The following NUP214 variants were observed in gnomAD, a reference collection of about 807,000 sequenced individuals.
NUP214 encodes the protein nuclear pore complex protein Nup214.
In NUP214, 79 loss-of-function variants were observed where a neutral mutation model predicts 196.2. That is an observed-to-expected ratio of 0.40 (90% CI 0.34 to 0.49). NUP214 has a LOEUF of 0.49. Among genes scored for constraint, NUP214 ranks in the 20% least tolerant of loss-of-function variants. NUP214 has a pLI of 0.58. For synonymous variants in NUP214, 1,020 were observed against 990.5 expected, an observed-to-expected ratio of 1.03 and a Z score of -0.56; for missense variants, 2,468 against 2,539.0, an observed-to-expected ratio of 0.97 and a Z score of 0.60.
intron 3 of NUP214, 137 bp from the exon 4 acceptor site, chr9:131,129,142 A>C (rs1188637861): frequency 1.3e-6 from 1 of 752,056 alleles, no homozygotes; most frequent in African/African-American, 1.8e-5. Flanking sequence ...TGCATAAAAC[A>C]ATCTTTTTTT....
Position 131,147,426 on chromosome 9 carries a change from T to C in NUP214, c.1946-64T>C. On this transcript the variant is annotated intron_variant, in intron 13 of 35. Coordinates refer to ENST00000359428, the MANE Select transcript of NUP214 (RefSeq NM_005085.4). ...ATTTCTTAGATTTGGAGAAAGGACA[T>C]TTGTGATAGGAGAAATAAAGGTAAT... The C allele has an allele frequency of 2.5e-6, 3 of 1,201,070 alleles. No homozygotes were observed. The South Asian group carries it at 3.9e-5, about 16-fold the overall frequency. The allele number at this position is 1,201,070 out of a possible 1,614,324, so 74.4% of individuals were successfully genotyped here. A position where few individuals can be genotyped will look rare whatever the true frequency, so the allele number is the denominator to read the frequency against.
chr9:131,194,009 A>C (rs1388536456), intron 27 of NUP214: 1 of 150,762 alleles, frequency 6.6e-6, no homozygotes, highest in Non-Finnish European at 1.5e-5. Flanking sequence ...ATGGCTTGAC[A>C]CTATTAGATA....
chr9:131,226,208 A>G (rs1049125143), intron 32 of NUP214, among the ~76,000 whole-genome samples: 3 of 152,212 alleles, frequency 2.0e-5, no homozygotes, highest in Non-Finnish European at 4.4e-5. Flanking sequence ...AGCACCTGGC[A>G]TATAGTGGGC....
At chr9:131,180,760 A>G (rs1426959574) in intron 24 of NUP214, among the ~76,000 whole-genome samples, 4 of 152,310 alleles carry the variant, frequency 2.6e-5, no homozygotes, top group Middle Eastern at 3.4e-3. Context: ...AGGGTAGTTG[A>G]ATAAGACAAA....
In NUP214 at chr9:131,175,434, A is replaced by T. The variant is rs551401235; in HGVS notation, c.3158-26A>T. On this transcript the variant is annotated intron_variant, in intron 22 of 35. Coordinates refer to ENST00000359428, the MANE Select transcript of NUP214 (RefSeq NM_005085.4). Reference sequence around the variant, plus strand: ...TATTTTCCTGTTCTCTCACCCACTCACACTTAATTTTTCTTTTCCTCTTAG... The same window carrying T: ...TATTTTCCTGTTCTCTCACCCACTCTCACTTAATTTTTCTTTTCCTCTTAG... The T allele has an allele frequency of 5.0e-6, 8 of 1,613,362 alleles. No homozygotes were observed. The Admixed American group carries it at 1.0e-4, about 20-fold the overall frequency.
At chr9:131,183,331 TGCCTC>T (rs1833345969) in intron 24 of NUP214, among the ~76,000 whole-genome samples, 1 of 152,208 alleles carries the variant, frequency 6.6e-6, no homozygotes. Context: ...GTGATCCGCC[TGCCTC>T]GGCCTCCCAA....
At position 131,138,631 on chromosome 9, in the gene NUP214, G is replaced by T. The variant is rs776776564; in HGVS notation, c.1006-650G>T. ...TGATTTTAAAAACCAAGAGTCATTT[G>T]TTGGAAGGAACAGAGCCTATCCAAG... On this transcript the variant is annotated intron_variant, in intron 9 of 35. Transcript: ENST00000359428. 2.6e-5 allele frequency among the ~76,000 whole-genome samples: 4 copies of T among 152,216 alleles called. No individual in the cohort carries two copies. In the South Asian group the frequency reaches 8.3e-4, roughly 32 times the overall value.
intron 31 of NUP214, among the ~76,000 whole-genome samples, chr9:131,221,849 C>A (rs1296505769): frequency 2.0e-5 from 3 of 151,298 alleles, no homozygotes; most frequent in African/African-American, 7.3e-5. Flanking sequence ...AACGCCCACC[C>A]CCCCCAAAAA....
intron 10 of NUP214, 145 bp from the exon 11 acceptor site, chr9:131,140,404 C>G: frequency 1.6e-6 from 1 of 639,242 alleles, no homozygotes; most frequent in Non-Finnish European, 2.6e-6. Context: ...AAAGGCTGTT[C>G]AGATATAAAA....
At chr9:131,210,803 A>G (rs764099470) in intron 30 of NUP214, among the ~76,000 whole-genome samples, 1 of 152,190 alleles carries the variant, frequency 6.6e-6, no homozygotes, top group Non-Finnish European at 1.5e-5. Flanking sequence ...AAAAAAATGG[A>G]TAGAGCATTT....
chr9:131,134,126 C>T (rs1831643538), intron 7 of NUP214, among the ~76,000 whole-genome samples: 4 of 152,030 alleles, frequency 2.6e-5, no homozygotes, highest in African/African-American at 4.8e-5. Flanking sequence ...TTAAATTTTT[C>T]GCAGAGGTAG....
Position 131,197,468 on chromosome 9 carries a change from C to A in NUP214, c.3974C>A (p.Ser1325Tyr). The change falls in exon 29 of 36, where the codon TCT (serine) becomes TAT (tyrosine). Residue 1325 changes from serine to tyrosine, a missense_variant. This residue lies in a region of NUP214 where 1,801 missense variants were observed against 1,779.4 expected (regional missense o/e 1.01). Coordinates refer to ENST00000359428, the MANE Select transcript of NUP214 (RefSeq NM_005085.4). ...SKLGELLFPSSLAGETLGSFS... is the reference protein window; with the variant it reads ...SKLGELLFPSYLAGETLGSFS... ...CTGGGAGAGCTTCTGTTTCCAAGTT[C>A]TTTGGCTGGAGAGACTCTGGGAAGT... The A allele has an allele frequency of 6.2e-7, 1 of 1,614,188 alleles. No individual in the cohort carries two copies. Among genetic ancestry groups the A allele is most frequent in the Non-Finnish European group, 8.5e-7 (1 of 1,180,028 alleles).
chr9:131,153,552 C>T (rs769995532), intron 17 of NUP214, among the ~76,000 whole-genome samples: 1 of 152,136 alleles, frequency 6.6e-6, no homozygotes, highest in Non-Finnish European at 1.5e-5. Context: ...TTCCTATGTG[C>T]CTTTCCACCT....
chr9:131,132,689 C>G, intron 6 of NUP214, 30 bp downstream of exon 6: 1 of 1,571,000 alleles, frequency 6.4e-7, no homozygotes, highest in Non-Finnish European at 8.8e-7. Context: ...TTGGGCTGAC[C>G]TCTAATGACA....
At position 131,202,402 on chromosome 9, in the gene NUP214, CAT is replaced by C. The variant is rs1405635007; in HGVS notation, c.5592+694_5592+695del. 7.9e-5 allele frequency among the ~76,000 whole-genome samples: 12 copies of C among 151,680 alleles called. No individual in the cohort carries two copies. In the South Asian group the frequency reaches 1.0e-3, roughly 13 times the overall value. ...ATATGTGTGTACACACACACACACA[CAT>C]ATATATATTTTTGTTTGTTTGTTTG... is the stretch of plus-strand genomic sequence containing the variant. On this transcript the variant is annotated intron_variant, in intron 30 of 35. Coordinates refer to ENST00000359428, the MANE Select transcript of NUP214 (RefSeq NM_005085.4).
Position 131,222,869 on chromosome 9 carries a change from C to G in NUP214, c.5841C>G (p.Phe1947Leu). ...SFGEQKPTGT[F>L]SSGGGSVASQ... is the part of the protein sequence containing the mutation. ...GAGAGCAGAAACCCACTGGCACTTTCAGCTCTGGAGGAGGAAGTGTGGCAT... is the reference window on the plus strand; with the variant it reads ...GAGAGCAGAAACCCACTGGCACTTTGAGCTCTGGAGGAGGAAGTGTGGCAT... Residue 1947 changes from phenylalanine to leucine, a missense_variant, in exon 32 of 36, where the codon TTC (phenylalanine) becomes TTG (leucine). Phe to Leu is a conservative substitution (Grantham distance 22). This residue lies in a region of NUP214 where 262 missense variants were observed against 296.5 expected (regional missense o/e 0.88). Transcript: ENST00000359428. 6.2e-7 allele frequency: 1 copy of G among 1,614,216 alleles called. No homozygotes were observed. The highest frequency in any genetic ancestry group is 8.5e-7 in the Non-Finnish European group (1 of 1,180,040).
intron 21 of NUP214, among the ~76,000 whole-genome samples, chr9:131,170,455 G>T (rs1832925858): frequency 6.6e-6 from 1 of 152,174 alleles, no homozygotes; most frequent in South Asian, 2.1e-4. Flanking sequence ...CCTGAACTGG[G>T]TACATATTTG....
chr9:131,160,542 G>A (rs1832601242), intron 18 of NUP214, among the ~76,000 whole-genome samples: 1 of 152,114 alleles, frequency 6.6e-6, no homozygotes, highest in East Asian at 1.9e-4. Context: ...GTGCCCATTA[G>A]AAATTTGAAA....
At position 131,222,970 on chromosome 9, in the gene NUP214, G is replaced by T. The variant is rs145503075; in HGVS notation, c.5902+40G>T. ...ATTTGTTATGGTTATCTTTATATATGTATTTGTTTATGCATAGATATCTGG... is the reference window on the plus strand; with the variant it reads ...ATTTGTTATGGTTATCTTTATATATTTATTTGTTTATGCATAGATATCTGG... On this transcript the variant is annotated intron_variant, in intron 32 of 35. Transcript: ENST00000359428. The T allele has an allele frequency of 3.2e-4, 516 of 1,591,182 alleles. 1 individual carries two copies. The African/African-American group carries it at 6.1e-3, about 19-fold the overall frequency.
Sources: gnomAD v4.1 joint callset for allele counts (sites outside exome capture counted in the v4.1 genomes callset) on GRCh38, gnomAD v4.1.1 for gene constraint, gnomAD v4.1.1 regional missense constraint, MANE v1.5 for transcripts, NCBI Gene and HGNC (gene_info 2026-07-23, HGNC 2026-07-21) for gene names.